The following MEG3 variants were observed in gnomAD, a reference collection of about 807,000 sequenced individuals.
MEG3 encodes the protein maternally expressed 3.
rs777468259 is a variant in MEG3 at position 100,845,661 on chromosome 14, C to T, written n.3121+128C>T. On this transcript the variant is annotated intron_variant and non_coding_transcript_variant, in intron 3 of 3. Coordinates refer to the MEG3 transcript ENST00000398461. This position sits in a 1 kb window ranked among gnomAD's most constrained non-coding sequence, Gnocchi z 5.2. ...GGGCACTGGCCGGGGGTCTGTGCAC[C>T]GGGAGGTGGGTGCCCATCGAGTCAA... 7 of 344,174 alleles carry T rather than the reference C, an allele frequency of 2.0e-5. No homozygotes were observed. The highest frequency in any genetic ancestry group is 3.9e-5 in the Admixed American group (1 of 25,364). The allele number at this position is 344,174 out of a possible 1,614,324, so 21.3% of individuals were successfully genotyped here.
At chr14:100,852,496 T>G (rs747981449), upstream of MEG3, 1 of 507,218 alleles carries the variant, frequency 2.0e-6, no homozygotes, top group Non-Finnish European at 4.1e-6. Flanking sequence ...TTCTTCTCTT[T>G]CAGAATCTGG....
chr14:100,849,426 T>C (rs938271500), intron 3 of MEG3: 3 of 151,640 alleles, frequency 2.0e-5, no homozygotes, highest in Non-Finnish European at 4.4e-5. Flanking sequence ...AAAGAATGAA[T>C]GGACACATGA....
downstream of MEG3, chr14:100,831,202 A>C (rs1595258346): frequency 6.5e-6 from 1 of 153,088 alleles, no homozygotes; most frequent in Admixed American, 6.5e-5. Flanking sequence ...CTCCCAGGGA[A>C]ACAGAGGCTG....
At chr14:100,850,824 G>C (rs2038051156) in intron 3 of MEG3, 1 of 152,274 alleles carries the variant, frequency 6.6e-6, no homozygotes, top group African/African-American at 2.4e-5. Context: ...AAAGGACTCA[G>C]ATCTAAATGG....
At chr14:100,836,275 GCCTCTCGTCTC>G (rs1566724325) in exon 2 of MEG3, 1 of 456,592 alleles carries the variant, frequency 2.2e-6, no homozygotes, top group Non-Finnish European at 4.4e-6. Context: ...TTCCTGGCGG[GCCTCTCGTCTC>G]CTTCCTGGTT....
At chr14:100,833,899 T>C (rs2037472111), downstream of MEG3, 1 of 152,224 alleles carries the variant, frequency 6.6e-6, no homozygotes, top group Admixed American at 6.5e-5. Flanking sequence ...TTAGTGAGTC[T>C]GTTGGCTAAA....
At chr14:100,826,769 C>T (rs866773767) in intron 1 of MEG3, among the ~76,000 whole-genome samples, 1 of 152,088 alleles carries the variant, frequency 6.6e-6, no homozygotes, top group Non-Finnish European at 1.5e-5. Context: ...TTTCCGAATC[C>T]AAATACACAG....
At chr14:100,838,629 A>T (rs1340920337) in intron 2 of MEG3, among the ~76,000 whole-genome samples, 2 of 152,058 alleles carry the variant, frequency 1.3e-5, no homozygotes, top group Admixed American at 6.6e-5. Flanking sequence ...ACATCAGCGG[A>T]GGGCGGTGAG....
chr14:100,859,017 G>T (rs2038324395), exon 1 of MEG3: 1 of 152,338 alleles, frequency 6.6e-6, no homozygotes, highest in Non-Finnish European at 1.5e-5. Flanking sequence ...CTGAGGACGG[G>T]TGGGGAGACA....
upstream of MEG3, chr14:100,855,700 G>T (rs1170055583): frequency 6.6e-6 from 1 of 152,222 alleles, no homozygotes; most frequent in African/African-American, 2.4e-5. Context: ...ATTAGCCAGT[G>T]CTATACTAGA....
intron 1 of MEG3, among the ~76,000 whole-genome samples, chr14:100,827,237 G>T (rs1031757935): frequency 6.6e-6 from 1 of 152,008 alleles, no homozygotes; most frequent in Non-Finnish European, 1.5e-5. Context: ...GGGCCGGCGG[G>T]CCTGGTGGGG....
chr14:100,846,629 A>T (rs2037925310), intron 3 of MEG3: 1 of 152,282 alleles, frequency 6.6e-6, no homozygotes, highest in Non-Finnish European at 1.5e-5. Context: ...GAATGAGTGA[A>T]GCAAGAGAGA....
intron 2 of MEG3, among the ~76,000 whole-genome samples, chr14:100,844,221 G>A (rs1343896471): frequency 6.6e-6 from 1 of 152,104 alleles, no homozygotes; most frequent in Non-Finnish European, 1.5e-5. Flanking sequence ...TTGTGGGGGT[G>A]TCCCATGGTC....
chr14:100,852,767 A>G, upstream of MEG3: 1 of 220,958 alleles, frequency 4.5e-6, no homozygotes, highest in South Asian at 5.7e-5. Flanking sequence ...ACCAAGAGGA[A>G]ATTGGAAGGA....
chr14:100,848,735 A>G (rs1281584704), intron 3 of MEG3: 2 of 152,262 alleles, frequency 1.3e-5, no homozygotes, highest in Admixed American at 1.3e-4. Flanking sequence ...TTAAATGACC[A>G]CAAGTGTAAG....
chr14:100,850,623 AG>A (rs1228671772), intron 3 of MEG3: 1 of 151,704 alleles, frequency 6.6e-6, no homozygotes, highest in Non-Finnish European at 1.5e-5. Context: ...AAAAAAAAAA[AG>A]AAGGAGAAAG....
At chr14:100,840,424 G>C (rs190683615) in intron 2 of MEG3, among the ~76,000 whole-genome samples, 80 of 152,330 alleles carry the variant, frequency 5.3e-4, no homozygotes, top group Admixed American at 2.6e-3. Context: ...CAGCCACCTG[G>C]GGATAATTGG....
At chr14:100,847,123 A>C (rs556699136) in intron 3 of MEG3, 1 of 152,334 alleles carries the variant, frequency 6.6e-6, no homozygotes, top group Non-Finnish European at 1.5e-5. Flanking sequence ...TGATACAAAT[A>C]ATATATGCTC....
chr14:100,853,463 G>GACATGTCACCCATTTTACATTCTT (rs2038148253), upstream of MEG3: 1 of 151,992 alleles, frequency 6.6e-6, no homozygotes, highest in Non-Finnish European at 1.5e-5. Context: ...TCAACATTCT[G>GACATGTCACCCATTTTACATTCTT]ACATGTCACC....
Sources: gnomAD v4.1 joint callset for allele counts (sites outside exome capture counted in the v4.1 genomes callset) on GRCh38, gnomAD v4.1.1 for gene constraint, Gnocchi (gnomAD v3.1) non-coding constraint, MANE v1.5 for transcripts, NCBI Gene and HGNC (gene_info 2026-07-23, HGNC 2026-07-21) for gene names.